Variants in FAM110B observed in about 807,000 individuals in gnomAD.
FAM110B encodes the protein family with sequence similarity 110 member B.
FAM110B carries 6 observed loss-of-function variants against 20.4 expected under a neutral mutation model. That is an observed-to-expected ratio of 0.29 (90% CI 0.16 to 0.58). The LOEUF (loss-of-function observed/expected upper bound fraction) is 0.58. Ranked by LOEUF, FAM110B falls within the 20% of genes least tolerant of loss-of-function variation. FAM110B has a pLI of 0.90. For missense variants in FAM110B, 434 were observed against 498.2 expected (o/e 0.87, Z 1.23); for synonymous variants, 226 against 214.1 (o/e 1.06, Z -0.49).
chr8:58,100,052 C>G (rs1434530820), intron 3 of FAM110B, among the ~76,000 whole-genome samples: 1 of 152,156 alleles, frequency 6.6e-6, no homozygotes, highest in Admixed American at 6.5e-5. Context: ...GGCCAGACCT[C>G]TCCTCGTCTA....
At position 58,148,170 on chromosome 8, in the gene FAM110B, T is replaced by TG. The variant is rs1554529066; in HGVS notation, c.*827_*828insG. 5 of 149,034 alleles carry TG rather than the reference T, an allele frequency of 3.4e-5. No homozygotes were observed. Among genetic ancestry groups the TG allele is most frequent in the African/African-American group, 1.0e-4 (4 of 39,174 alleles). 9.2% of individuals were successfully genotyped at this position (149,034 alleles called of 1,614,324 possible). On this transcript the variant is annotated 3_prime_UTR_variant, in exon 4 of 4. Transcript: ENST00000519262. ...AAAAAAAAGTTGTGGTTTTTTGTTT[T>TG]TTTTTTTTTTTTTTTTGGTCGAGAA...
At chr8:58,000,625 T>C (rs1031201866) in intron 1 of FAM110B, among the ~76,000 whole-genome samples, 5 of 152,158 alleles carry the variant, frequency 3.3e-5, no homozygotes, top group African/African-American at 1.2e-4. Flanking sequence ...TGCCCAGACA[T>C]GTTAGTCAGT....
In FAM110B at chr8:57,999,800, G is replaced by A. The variant is rs563826904; in HGVS notation, c.-512+4994G>A. ...GTAATAAGTGCAGTCGAGAATGGGG[G>A]CCACTTTTCCATCTGGGCTTGGTGG... is the stretch of plus-strand genomic sequence containing the variant. On this transcript the variant is annotated intron_variant, in intron 1 of 3. Transcript: ENST00000519262. 5.3e-5 allele frequency among the ~76,000 whole-genome samples: 8 copies of A among 152,242 alleles called. No individual in the cohort carries two copies. In the South Asian group the frequency reaches 8.3e-4, roughly 16 times the overall value.
At chr8:58,017,130 T>G in intron 1 of FAM110B, among the ~76,000 whole-genome samples, 1 of 152,226 alleles carries the variant, frequency 6.6e-6, no homozygotes, top group East Asian at 1.9e-4. Context: ...TGCTTCTCAG[T>G]CATGCAGCTT....
chr8:58,005,673 G>C, intron 1 of FAM110B, among the ~76,000 whole-genome samples: 1 of 152,152 alleles, frequency 6.6e-6, no homozygotes, highest in East Asian at 1.9e-4. Flanking sequence ...TCTGTAAGGT[G>C]CACATGGAGA....
chr8:58,133,658 C>T (rs1803542234), intron 3 of FAM110B, among the ~76,000 whole-genome samples: 1 of 152,160 alleles, frequency 6.6e-6, no homozygotes, highest in African/African-American at 2.4e-5. Context: ...ATCAGAGAGC[C>T]TGGGAAGGAG....
intron 2 of FAM110B, among the ~76,000 whole-genome samples, chr8:58,066,841 C>T (rs1021838901): frequency 3.9e-5 from 6 of 152,112 alleles, no homozygotes; most frequent in African/African-American, 1.2e-4. Flanking sequence ...GCCCTCTACT[C>T]ATGTGGGCTG....
chr8:58,000,713 C>T (rs1382197347), intron 1 of FAM110B, among the ~76,000 whole-genome samples: 1 of 152,138 alleles, frequency 6.6e-6, no homozygotes, highest in Non-Finnish European at 1.5e-5. Context: ...GGGCATTCAG[C>T]AATTTTGGGA....
chr8:58,136,994 T>C lies in FAM110B; in HGVS notation c.-324-8913T>C, dbSNP rs533779495. Among the ~76,000 whole-genome samples, 3 of 152,368 alleles carry C rather than the reference T, an allele frequency of 2.0e-5. No homozygotes were observed. In the East Asian group the frequency reaches 5.8e-4, roughly 29 times the overall value. On this transcript the variant is annotated intron_variant, in intron 3 of 3. Transcript: ENST00000519262. ...CATTTGTAATAATGGCTTTATTGTT[T>C]ACTCTAGCCTGTTTCACTCACATAA...
intron 1 of FAM110B, among the ~76,000 whole-genome samples, chr8:58,006,923 A>ATATATATATATTTTTTTTTTTT: frequency 1.2e-4 from 15 of 126,528 alleles, no homozygotes; most frequent in African/African-American, 3.3e-4. Flanking sequence ...ATATATATAT[A>ATATATATATATTTTTTTTTTTT]TTTTTCCAAA....
intron 3 of FAM110B, among the ~76,000 whole-genome samples, chr8:58,137,252 GA>G (rs1478535943): frequency 1.3e-5 from 2 of 152,058 alleles, no homozygotes; most frequent in Non-Finnish European, 2.9e-5. Context: ...AGACACTGGG[GA>G]CAGCATTTAA....
intron 1 of FAM110B, among the ~76,000 whole-genome samples, chr8:58,020,657 C>A (rs1160203829): frequency 6.6e-6 from 1 of 152,238 alleles, no homozygotes; most frequent in African/African-American, 2.4e-5. Context: ...GAAGCATCAT[C>A]AGAGTATATG....
intron 2 of FAM110B, among the ~76,000 whole-genome samples, chr8:58,072,986 T>A (rs1247018188): frequency 1.3e-5 from 2 of 152,222 alleles, no homozygotes; most frequent in Non-Finnish European, 2.9e-5. Flanking sequence ...TTGGCATCTG[T>A]CATAATCCAA....
intron 2 of FAM110B, among the ~76,000 whole-genome samples, chr8:58,048,118 A>C (rs942336650): frequency 1.3e-5 from 2 of 152,200 alleles, no homozygotes; most frequent in Admixed American, 1.3e-4. Context: ...TTACAGAAGT[A>C]ACTCATCAGT....
chr8:58,006,923 A>ATATATTTTT, intron 1 of FAM110B, among the ~76,000 whole-genome samples: 1 of 126,516 alleles, frequency 7.9e-6, no homozygotes. Context: ...ATATATATAT[A>ATATATTTTT]TTTTTCCAAA....
At chr8:58,098,503 G>A (rs1284547962) in intron 3 of FAM110B, among the ~76,000 whole-genome samples, 1 of 152,182 alleles carries the variant, frequency 6.6e-6, no homozygotes, top group Non-Finnish European at 1.5e-5. Context: ...GATCCATTGA[G>A]GTAGACCACT....
chr8:58,111,551 G>C (rs542929148), intron 3 of FAM110B, among the ~76,000 whole-genome samples: 1 of 152,180 alleles, frequency 6.6e-6, no homozygotes, highest in Non-Finnish European at 1.5e-5. Flanking sequence ...AGGTGTTTAT[G>C]TGTATTATAG....
Position 58,127,538 on chromosome 8 carries a change from A to G in FAM110B, c.-324-18369A>G, listed in dbSNP as rs559685988. Among the ~76,000 whole-genome samples the G allele has an allele frequency of 2.6e-5, 4 of 152,292 alleles. No homozygotes were observed. The East Asian group carries it at 5.8e-4, about 22-fold the overall frequency. The stretch of plus-strand genomic sequence containing the variant: ...TATCTTGTCTTATATGATTGTCTAC[A>G]TAGAAAATCTCAAATAATCTACACA... On this transcript the variant is annotated intron_variant, in intron 3 of 3. Transcript: ENST00000519262.
intron 1 of FAM110B, among the ~76,000 whole-genome samples, chr8:57,995,687 A>G (rs1278984130): frequency 6.6e-6 from 1 of 152,226 alleles, no homozygotes; most frequent in Non-Finnish European, 1.5e-5. Flanking sequence ...TTACTCTGGA[A>G]AGTGGAAAGA....
Sources: gnomAD v4.1 joint callset for allele counts (sites outside exome capture counted in the v4.1 genomes callset) on GRCh38, gnomAD v4.1.1 for gene constraint, MANE v1.5 for transcripts, NCBI Gene and HGNC (gene_info 2026-07-23, HGNC 2026-07-21) for gene names.